DLGAP1: variants seen among roughly 807,000 people sequenced by gnomAD.
The protein encoded by DLGAP1 is DLG associated protein 1.
A neutral mutation model predicts 90.8 loss-of-function variants in DLGAP1; 11 were observed. The observed-to-expected ratio is 0.12, with a 90% CI of 0.08 to 0.20. DLGAP1 has a LOEUF of 0.20. DLGAP1 is among the 10% of genes least tolerant of loss of function. The pLI is 1.00. For synonymous variants in DLGAP1, 558 were observed against 540.7 expected (o/e 1.03, Z -0.44); for missense variants, 1,050 against 1,333.8 (o/e 0.79, Z 3.31).
At chr18:4,249,714 A>C (rs1220220224) in intron 1 of DLGAP1, among the ~76,000 whole-genome samples, 2 of 152,034 alleles carry the variant, frequency 1.3e-5, no homozygotes, top group African/African-American at 4.8e-5. Flanking sequence ...CAGCCTTCCC[A>C]GCAGCTGGGA....
chr18:4,396,592 T>C (rs1336235158), intron 1 of DLGAP1, among the ~76,000 whole-genome samples: 2 of 152,170 alleles, frequency 1.3e-5, no homozygotes, highest in Non-Finnish European at 2.9e-5. Context: ...TGGCGCTCTC[T>C]GAGAGGAAGC....
At chr18:4,422,378 T>G (rs565570863) in intron 1 of DLGAP1, among the ~76,000 whole-genome samples, 1 of 152,058 alleles carries the variant, frequency 6.6e-6, no homozygotes, top group African/African-American at 2.4e-5. Flanking sequence ...TTAGTAAAAA[T>G]ATGTATTTAA....
At chr18:3,797,768 T>C (rs1317131870) in intron 5 of DLGAP1, among the ~76,000 whole-genome samples, 2 of 152,174 alleles carry the variant, frequency 1.3e-5, no homozygotes, top group African/African-American at 4.8e-5. Flanking sequence ...GAAAACAATC[T>C]GGGATACTGT....
chr18:3,532,706 G>C (rs763371141), intron 10 of DLGAP1, among the ~76,000 whole-genome samples: 1 of 152,152 alleles, frequency 6.6e-6, no homozygotes, highest in Non-Finnish European at 1.5e-5. Flanking sequence ...CATGAAGCAG[G>C]CATTAATGCC....
intron 1 of DLGAP1, among the ~76,000 whole-genome samples, chr18:4,363,312 G>T (rs1258766996): frequency 6.6e-6 from 1 of 152,142 alleles, no homozygotes. Context: ...GAAATAAAAA[G>T]CTGGGGCAGA....
chr18:3,651,337 G>A (rs755750926), intron 7 of DLGAP1, among the ~76,000 whole-genome samples: 6 of 152,162 alleles, frequency 3.9e-5, no homozygotes, highest in Non-Finnish European at 7.4e-5. Flanking sequence ...CTAGCCTGGC[G>A]ATAGAGCAAG....
chr18:3,783,141 G>A (rs1391889499), intron 5 of DLGAP1, among the ~76,000 whole-genome samples: 1 of 152,116 alleles, frequency 6.6e-6, no homozygotes, highest in Non-Finnish European at 1.5e-5. Flanking sequence ...AATAAAAATG[G>A]ATAGATAAGA....
At position 3,879,136 on chromosome 18, in the gene DLGAP1, T is replaced by C. The variant is rs1599092306; in HGVS notation, c.933A>G (p.Gln311=). 14 of 1,506,578 alleles carry C rather than the reference T, an allele frequency of 9.3e-6. No homozygotes were observed. Among genetic ancestry groups the C allele is most frequent in the Admixed American group, 2.3e-5 (1 of 43,224 alleles). 93.3% of individuals were successfully genotyped at this position (1,506,578 alleles called of 1,614,324 possible). A position where few individuals can be genotyped will look rare whatever the true frequency, so the allele number is the denominator to read the frequency against. Residue 311 remains glutamine, a synonymous_variant, in exon 4 of 13, where the codon CAA becomes CAG. Coordinates refer to ENST00000315677, the MANE Select transcript of DLGAP1 (RefSeq NM_004746.4). This position sits in a 1 kb window ranked among gnomAD's most constrained non-coding sequence, Gnocchi z 6.6. ...QAMVKSESCQ[Q]ERSCQYLQVP... ...CCTGCAGGTACTGGCAGGAGCGTTC[T>C]TGCTGACACGACTCGGACTTCACCA... is the stretch of plus-strand genomic sequence containing the variant.
intron 12 of DLGAP1, among the ~76,000 whole-genome samples, chr18:3,500,267 C>T (rs2049860701): frequency 6.6e-6 from 1 of 151,978 alleles, no homozygotes; most frequent in Admixed American, 6.6e-5. Flanking sequence ...ATCTCTTTGG[C>T]ATTAAAAAAA....
At chr18:3,758,639 T>C (rs1028395667) in intron 5 of DLGAP1, among the ~76,000 whole-genome samples, 51 of 152,224 alleles carry the variant, frequency 3.4e-4, no homozygotes, top group African/African-American at 1.2e-3. Context: ...CAGTTCTGCA[T>C]GTCCTTCTTA....
chr18:4,218,441 CTCATA>C (rs919267670), intron 1 of DLGAP1, among the ~76,000 whole-genome samples: 3 of 151,812 alleles, frequency 2.0e-5, no homozygotes, highest in Non-Finnish European at 4.4e-5. Flanking sequence ...AATTCATCAC[CTCATA>C]TAACTTATCT....
At chr18:3,802,495 AC>A (rs1374625434) in intron 5 of DLGAP1, among the ~76,000 whole-genome samples, 1 of 152,208 alleles carries the variant, frequency 6.6e-6, no homozygotes, top group African/African-American at 2.4e-5. Context: ...TTATACTCAG[AC>A]AAAATTCCTC....
intron 2 of DLGAP1, among the ~76,000 whole-genome samples, chr18:4,076,945 A>G (rs1260588833): frequency 6.6e-6 from 1 of 151,682 alleles, no homozygotes; most frequent in East Asian, 1.9e-4. Flanking sequence ...ATTTATCACC[A>G]TTTGTTATTA....
chr18:4,065,098 T>C (rs1027967496), intron 2 of DLGAP1, among the ~76,000 whole-genome samples: 7 of 152,144 alleles, frequency 4.6e-5, no homozygotes, highest in Non-Finnish European at 1.0e-4. Flanking sequence ...TCTCAATAGA[T>C]GCAGAAACGT....
At chr18:3,559,570 GGT>G (rs1264703385) in intron 9 of DLGAP1, among the ~76,000 whole-genome samples, 1 of 148,738 alleles carries the variant, frequency 6.7e-6, no homozygotes, top group Non-Finnish European at 1.5e-5. Context: ...TCTTTTTAGT[GGT>G]TACCCTAGAG....
intron 4 of DLGAP1, among the ~76,000 whole-genome samples, chr18:3,847,142 T>C (rs1264385377): frequency 6.6e-6 from 1 of 152,240 alleles, no homozygotes; most frequent in Non-Finnish European, 1.5e-5. Context: ...AATATCTTTT[T>C]CTTGTTTTGG....
chr18:3,754,668 T>C (rs56951501), intron 5 of DLGAP1, among the ~76,000 whole-genome samples: 25,608 of 143,862 alleles, frequency 0.18, 2,709 homozygotes, highest in East Asian at 0.55. Context: ...TTGCATGAGC[T>C]CAGGAGTTTG....
At chr18:4,230,609 A>G (rs1937075152) in intron 1 of DLGAP1, among the ~76,000 whole-genome samples, 1 of 151,402 alleles carries the variant, frequency 6.6e-6, no homozygotes, top group African/African-American at 2.4e-5. Flanking sequence ...GATAGAAAAT[A>G]GAATGATGGT....
At chr18:3,997,807 T>C (rs953574671) in intron 3 of DLGAP1, among the ~76,000 whole-genome samples, 4 of 152,154 alleles carry the variant, frequency 2.6e-5, no homozygotes, top group African/African-American at 4.8e-5. Context: ...TTTAAGTCAA[T>C]ATTAAAGTCA....
Sources: gnomAD v4.1 joint callset for allele counts (sites outside exome capture counted in the v4.1 genomes callset) on GRCh38, gnomAD v4.1.1 for gene constraint, Gnocchi (gnomAD v3.1) non-coding constraint, MANE v1.5 for transcripts, NCBI Gene and HGNC (gene_info 2026-07-23, HGNC 2026-07-21) for gene names.